The following AFF4 variants were observed in gnomAD, a reference collection of about 807,000 sequenced individuals.
AFF4 encodes AF4/FMR2 family member 4.
Under a neutral mutation model 124.8 loss-of-function variants are expected in AFF4, and 13 were observed. The observed-to-expected ratio is 0.10, with a 90% CI of 0.07 to 0.17. AFF4 has a LOEUF of 0.17. AFF4 is among the 10% of genes least tolerant of loss of function. The probability of loss-of-function intolerance (pLI) is 1.00; values close to 1 mark genes in which losing one functional copy is unlikely to be tolerated. For missense variants in AFF4, 1,092 were observed against 1,403.8 expected, an observed-to-expected ratio of 0.78 and a Z score of 3.55; for synonymous variants, 477 against 496.1, an observed-to-expected ratio of 0.96 and a Z score of 0.51.
At chr5:132,928,712 T>C (rs994182912) in intron 4 of AFF4, among the ~76,000 whole-genome samples, 3 of 152,178 alleles carry the variant, frequency 2.0e-5, no homozygotes, top group Non-Finnish European at 4.4e-5. Flanking sequence ...TGTTGATATG[T>C]AATGATGTCC....
chr5:132,908,674 ATAT>A (rs1274251754), intron 5 of AFF4, among the ~76,000 whole-genome samples: 1 of 150,626 alleles, frequency 6.6e-6, no homozygotes, highest in Non-Finnish European at 1.5e-5. Flanking sequence ...AACAATGACA[ATAT>A]TATTGTTATT....
chr5:132,909,770 C>T (rs1048014313), intron 5 of AFF4, among the ~76,000 whole-genome samples: 1 of 152,224 alleles, frequency 6.6e-6, no homozygotes, highest in African/African-American at 2.4e-5. Flanking sequence ...ATTGTTCCAA[C>T]ACTGCAACTG....
At chr5:132,937,780 C>A (rs1429147723) in intron 1 of AFF4, 2 of 152,148 alleles carry the variant, frequency 1.3e-5, no homozygotes, top group Non-Finnish European at 2.9e-5. Flanking sequence ...ATTAATATTT[C>A]AATTAACACC....
chr5:132,876,481 TTTTTTA>T lies in AFF4; in HGVS notation c.*4572_*4577del. 1 of 219,624 alleles carries T rather than the reference TTTTTTA, an allele frequency of 4.6e-6. No homozygotes were observed. The allele number at this position is 219,624 out of a possible 1,614,324, so 13.6% of individuals were successfully genotyped here. On this transcript the variant is annotated 3_prime_UTR_variant, in exon 21 of 21. Transcript: ENST00000265343. Reference sequence around the variant, plus strand: ...ATCACTAGAGTTTCTGGGTGGGAGCTTTTTTATTTTTAAGAATGGCAAGTTATGTTT... The same window carrying T: ...ATCACTAGAGTTTCTGGGTGGGAGCTTTTTTAAGAATGGCAAGTTATGTTT...
intron 1 of AFF4, among the ~76,000 whole-genome samples, chr5:132,953,445 T>G (rs1165805859): frequency 6.6e-6 from 1 of 151,958 alleles, no homozygotes; most frequent in African/African-American, 2.4e-5. Context: ...AGACAAGATC[T>G]CACTATGTTG....
intron 2 of AFF4, among the ~76,000 whole-genome samples, chr5:132,936,165 G>A (rs1761424661): frequency 6.8e-6 from 1 of 147,422 alleles, no homozygotes; most frequent in South Asian, 2.2e-4. Context: ...TACTCTGGAG[G>A]CTTAGGCAGG....
chr5:132,958,385 G>A (rs534023462), intron 1 of AFF4, among the ~76,000 whole-genome samples: 2 of 147,626 alleles, frequency 1.4e-5, no homozygotes, highest in East Asian at 4.1e-4. Flanking sequence ...AAAATTGCTT[G>A]AGCCTGGGAA....
intron 1 of AFF4, among the ~76,000 whole-genome samples, chr5:132,940,078 T>C (rs1761531267): frequency 6.6e-6 from 1 of 152,082 alleles, no homozygotes; most frequent in Non-Finnish European, 1.5e-5. Flanking sequence ...CAGGTGCCTA[T>C]AATCCCAGCT....
intron 5 of AFF4, among the ~76,000 whole-genome samples, chr5:132,922,419 G>A (rs1478125457): frequency 6.6e-6 from 1 of 151,504 alleles, no homozygotes; most frequent in Admixed American, 6.6e-5. Flanking sequence ...GTCTTAAAAA[G>A]AAAGAAATAA....
At chr5:132,881,750 G>A (rs1454180761) in intron 20 of AFF4, among the ~76,000 whole-genome samples, 2 of 151,594 alleles carry the variant, frequency 1.3e-5, no homozygotes, top group Non-Finnish European at 2.9e-5. Context: ...GCAGTGGCGC[G>A]ATCTCGGTTC....
At position 132,897,061 on chromosome 5, in the gene AFF4, T is replaced by A; in HGVS notation, c.1569A>T (p.Glu523Asp). ...NSYTDTSGPK[E>D]TSSATPGRDS... ...CTCGTCCCGGAGTAGCGGAACTCGT[T>A]TCTTTAGGTCCACTTGTATCAGTGT... The change falls in exon 11 of 21, where the codon GAA becomes GAT. Residue 523 changes from glutamate (E) to aspartate (D), a missense_variant. By Grantham distance (45) the Glu-to-Asp change is conservative (BLOSUM62 2). This residue lies in a region of AFF4 where 174 missense variants were observed against 205.9 expected (regional missense o/e 0.84). Coordinates refer to ENST00000265343, the MANE Select transcript of AFF4 (RefSeq NM_014423.4). 6.2e-7 allele frequency: 1 copy of A among 1,614,180 alleles called. No homozygotes were observed. Among genetic ancestry groups the A allele is most frequent in the Non-Finnish European group, 8.5e-7 (1 of 1,180,028 alleles).
chr5:132,904,865 A>G lies in AFF4; in HGVS notation c.1051-461T>C, dbSNP rs568061046. Among the ~76,000 whole-genome samples the G allele has an allele frequency of 8.7e-4, 132 of 152,200 alleles. 1 individual carries two copies. Among genetic ancestry groups the G allele is most frequent in the African/African-American group, 2.9e-3 (121 of 41,532 alleles). ...GGAGATCAAGACCATCCTGGCCAAC[A>G]TGGTGAAACCCCGTCTCTACGAAAA... On this transcript the variant is annotated intron_variant, in intron 5 of 20. Transcript: ENST00000265343.
rs1474383356 is a variant in AFF4 at position 132,948,993 on chromosome 5, CTCTCT to C, written c.-4-11805_-4-11801del. Among the ~76,000 whole-genome samples, 4 of 152,050 alleles carry C rather than the reference CTCTCT, an allele frequency of 2.6e-5. No homozygotes were observed. The South Asian group carries it at 8.3e-4, about 32-fold the overall frequency. On this transcript the variant is annotated intron_variant, in intron 1 of 20. Coordinates refer to ENST00000265343, the MANE Select transcript of AFF4 (RefSeq NM_014423.4). ...ATGGACTCTTCCAAGACAGAAGATG[CTCTCT>C]TCTGAGAAATATATTAATCTATCCC...
At chr5:132,929,098 A>T (rs1761245343) in intron 4 of AFF4, among the ~76,000 whole-genome samples, 1 of 152,154 alleles carries the variant, frequency 6.6e-6, no homozygotes, top group South Asian at 2.1e-4. Context: ...TTTTAAGTTC[A>T]TGATGGGGTT....
rs142076815 is a variant in AFF4 at position 132,953,255 on chromosome 5, T to C, written c.-5+10004A>G. On this transcript the variant is annotated intron_variant, in intron 1 of 20. Coordinates refer to ENST00000265343, the MANE Select transcript of AFF4 (RefSeq NM_014423.4). ...TTTTTTTAATTTCGATTTTTTATTTTTTAGAGACAGGGTCTCAGTCTGTCA... is the reference window on the plus strand; with the variant it reads ...TTTTTTTAATTTCGATTTTTTATTTCTTAGAGACAGGGTCTCAGTCTGTCA... Among the ~76,000 whole-genome samples, 654 of 152,238 alleles carry C rather than the reference T, an allele frequency of 4.3e-3. 4 individuals are homozygous for C. Among genetic ancestry groups the C allele is most frequent in the African/African-American group, 0.015 (637 of 41,558 alleles).
Position 132,963,580 on chromosome 5 carries a change from G to A in AFF4, c.-326C>T, listed in dbSNP as rs1231229456. On this transcript the variant is annotated 5_prime_UTR_variant, in exon 1 of 21. The change creates a new upstream start codon in the 5' untranslated region. Coordinates refer to ENST00000265343, the MANE Select transcript of AFF4 (RefSeq NM_014423.4). ...GACCTGGCACCAGGATCCCCGCCCCGTCCGCTGGCGGCGGCGACGGCAGCT... is the reference window on the plus strand; with the variant it reads ...GACCTGGCACCAGGATCCCCGCCCCATCCGCTGGCGGCGGCGACGGCAGCT... 1.3e-5 allele frequency: 5 copies of A among 397,692 alleles called. No homozygotes were observed. The highest frequency in any genetic ancestry group is 2.1e-5 in the African/African-American group (1 of 48,574). 24.6% of individuals were successfully genotyped at this position (397,692 alleles called of 1,614,324 possible).
At chr5:132,916,984 G>A (rs142492687) in intron 5 of AFF4, among the ~76,000 whole-genome samples, 2,225 of 152,008 alleles carry the variant, frequency 0.015, 60 homozygotes, top group African/African-American at 0.051. Flanking sequence ...GCAATGGGGT[G>A]ATCTTGGCTC....
At chr5:132,948,137 G>C (rs1025263729) in intron 1 of AFF4, among the ~76,000 whole-genome samples, 1 of 151,652 alleles carries the variant, frequency 6.6e-6, no homozygotes, top group Non-Finnish European at 1.5e-5. Flanking sequence ...TGCAACCTCC[G>C]CCTCCTGGGT....
chr5:132,962,625 AC>A (rs760749428), intron 1 of AFF4, among the ~76,000 whole-genome samples: 1 of 152,088 alleles, frequency 6.6e-6, no homozygotes, highest in African/African-American at 2.4e-5. Context: ...TACGAGATTA[AC>A]CCCAAGCACA....
Sources: gnomAD v4.1 joint callset for allele counts (sites outside exome capture counted in the v4.1 genomes callset) on GRCh38, gnomAD v4.1.1 for gene constraint, gnomAD v4.1.1 regional missense constraint, MANE v1.5 for transcripts, NCBI Gene and HGNC (gene_info 2026-07-23, HGNC 2026-07-21) for gene names.